LOC400499: variants seen among roughly 807,000 people sequenced by gnomAD.
chr16:11,424,558 T>C, the LOC400499 span, among the ~76,000 whole-genome samples: 2 of 152,350 alleles, frequency 1.3e-5, no homozygotes, highest in Non-Finnish European at 2.9e-5. Flanking sequence ...GAAATGGCGA[T>C]TTCATCTGGT....
At chr16:11,496,805 T>G in the LOC400499 span, among the ~76,000 whole-genome samples, 3 of 152,200 alleles carry the variant, frequency 2.0e-5, no homozygotes, top group Admixed American at 6.5e-5. Flanking sequence ...TGTATGTGCA[T>G]GTCCTGCCAT....
At chr16:11,487,745 C>T in the LOC400499 span, among the ~76,000 whole-genome samples, 1 of 104,088 alleles carries the variant, frequency 9.6e-6, no homozygotes, top group Non-Finnish European at 2.2e-5. Context: ...GGGCTAATCT[C>T]TTTTCTTAAC....
the LOC400499 span, among the ~76,000 whole-genome samples, chr16:11,412,608 C>A: frequency 2.0e-5 from 3 of 152,222 alleles, no homozygotes; most frequent in African/African-American, 7.2e-5. Flanking sequence ...GCCTTGGATG[C>A]ACTTAGTTTC....
At chr16:11,460,360 A>G in the LOC400499 span, 1 of 1,236,668 alleles carries the variant, frequency 8.1e-7, no homozygotes, top group Non-Finnish European at 1.1e-6. Context: ...CCATTCCCAT[A>G]TGGCTATGTG....
chr16:11,456,871 A>G, the LOC400499 span: 6 of 1,536,234 alleles, frequency 3.9e-6, no homozygotes, highest in African/African-American at 5.5e-5. Flanking sequence ...TCCCACTTCC[A>G]CAGGGTGGCC....
chr16:11,434,515 C>T, the LOC400499 span, among the ~76,000 whole-genome samples: 1 of 152,108 alleles, frequency 6.6e-6, no homozygotes, highest in Admixed American at 6.5e-5. Flanking sequence ...AGAACCGAGA[C>T]CATTTGTAGG....
the LOC400499 span, chr16:11,392,693 C>A: frequency 1.2e-6 from 1 of 831,596 alleles, no homozygotes; most frequent in African/African-American, 1.8e-5. Flanking sequence ...CCTCCCCCGA[C>A]ACGGCAGTCA....
the LOC400499 span, among the ~76,000 whole-genome samples, chr16:11,495,754 C>T: frequency 6.6e-6 from 1 of 152,222 alleles, no homozygotes; most frequent in East Asian, 1.9e-4. Flanking sequence ...CACACGTTGC[C>T]TTTCTTATCA....
At chr16:11,521,870 G>C in the LOC400499 span, 322 of 398,420 alleles carry the variant, frequency 8.1e-4, no homozygotes, top group African/African-American at 6.2e-3. Context: ...AAGCAAATTG[G>C]AAATTGGAGG....
chr16:11,392,498 C>G, the LOC400499 span: 13 of 398,900 alleles, frequency 3.3e-5, no homozygotes, highest in Non-Finnish European at 5.7e-5. Flanking sequence ...CTCCTCTCTG[C>G]CCCCTGGAGC....
At chr16:11,488,036 G>C in the LOC400499 span, among the ~76,000 whole-genome samples, 3 of 151,166 alleles carry the variant, frequency 2.0e-5, no homozygotes, top group African/African-American at 7.3e-5. Flanking sequence ...AGAATCACTT[G>C]AACCCTGGAG....
At chr16:11,446,312 G>C in the LOC400499 span, among the ~76,000 whole-genome samples, 1 of 132,956 alleles carries the variant, frequency 7.5e-6, no homozygotes, top group South Asian at 2.7e-4. Context: ...ACCATGCCTG[G>C]CTAATTAAAC....
the LOC400499 span, among the ~76,000 whole-genome samples, chr16:11,502,945 A>T: frequency 7.6e-6 from 1 of 132,334 alleles, no homozygotes; most frequent in Non-Finnish European, 1.6e-5. Flanking sequence ...TTTAAGAGAC[A>T]GGATCTCCCT....
chr16:11,409,348 G>C, the LOC400499 span, among the ~76,000 whole-genome samples: 2 of 152,114 alleles, frequency 1.3e-5, no homozygotes, highest in African/African-American at 4.8e-5. Flanking sequence ...TCTAGATCAG[G>C]AGTTGGCTTT....
At chr16:11,416,991 G>T in the LOC400499 span, among the ~76,000 whole-genome samples, 1 of 152,084 alleles carries the variant, frequency 6.6e-6, no homozygotes, top group Non-Finnish European at 1.5e-5. Context: ...GCTCTCGTGT[G>T]CACACAGCTT....
At chr16:11,424,594 T>C in the LOC400499 span, among the ~76,000 whole-genome samples, 1 of 152,252 alleles carries the variant, frequency 6.6e-6, no homozygotes, top group African/African-American at 2.4e-5. Flanking sequence ...AATTGCCACA[T>C]GCAGCCGGTG....
chr16:11,437,795 G>A, the LOC400499 span, among the ~76,000 whole-genome samples: 2 of 152,116 alleles, frequency 1.3e-5, no homozygotes, highest in African/African-American at 2.4e-5. Context: ...CTTGAACCTG[G>A]GAGGCAGAGG....
At chr16:11,484,063 AG>A in the LOC400499 span, among the ~76,000 whole-genome samples, 4 of 113,934 alleles carry the variant, frequency 3.5e-5, no homozygotes, top group African/African-American at 6.9e-5. Flanking sequence ...GCTGGAGTGC[AG>A]TGGCGTGATT....
the LOC400499 span, chr16:11,459,987 T>G: frequency 1.3e-6 from 2 of 1,512,470 alleles, no homozygotes; most frequent in African/African-American, 2.8e-5. Context: ...CTTGTCCCAG[T>G]GCTTCCCGTA....
Sources: allele counts gnomAD v4.1 joint callset (sites outside exome capture counted in the v4.1 genomes callset), GRCh38; gene constraint gnomAD v4.1.1; transcripts MANE v1.5.